The following LRRTM4 variants were observed in gnomAD, a reference collection of about 807,000 sequenced individuals.
LRRTM4 encodes leucine rich repeat transmembrane neuronal 4.
A neutral mutation model predicts 47.6 loss-of-function variants in LRRTM4; 25 were observed. The observed-to-expected ratio is 0.53, with a 90% CI of 0.38 to 0.73. LRRTM4 has a LOEUF of 0.73. Ranked by LOEUF, LRRTM4 falls within the 30% of genes least tolerant of loss-of-function variation. The pLI, the probability that LRRTM4 is intolerant of heterozygous loss-of-function variation, is 0.00. For synonymous variants in LRRTM4, 311 were observed against 269.5 expected, an observed-to-expected ratio of 1.15 and a Z score of -1.51; for missense variants, 638 against 713.4, an observed-to-expected ratio of 0.89 and a Z score of 1.20.
intron 3 of LRRTM4, among the ~76,000 whole-genome samples, chr2:77,331,219 C>A (rs769815325): frequency 1.1e-4 from 16 of 151,974 alleles, no homozygotes; most frequent in Admixed American, 5.2e-4. Flanking sequence ...TAGCATTATT[C>A]TTTCTTATGA....
At chr2:76,780,294 C>G (rs1411151007) in intron 3 of LRRTM4, among the ~76,000 whole-genome samples, 1 of 152,174 alleles carries the variant, frequency 6.6e-6, no homozygotes, top group Non-Finnish European at 1.5e-5. Context: ...TTTCCTGAAT[C>G]TGAACATTGG....
intron 3 of LRRTM4, among the ~76,000 whole-genome samples, chr2:77,276,501 A>T (rs1013403484): frequency 1.3e-5 from 2 of 148,604 alleles, no homozygotes; most frequent in Non-Finnish European, 3.0e-5. Flanking sequence ...AGTGTGATAT[A>T]TATAATATAT....
intron 3 of LRRTM4, among the ~76,000 whole-genome samples, chr2:77,056,178 CTT>C (rs574154396): frequency 8.4e-4 from 98 of 116,912 alleles, no homozygotes; most frequent in African/African-American, 3.6e-3. Context: ...TACCCTAAAA[CTT>C]AAAGTATAAT....
intron 3 of LRRTM4, among the ~76,000 whole-genome samples, chr2:77,176,119 CT>C (rs1673191538): frequency 6.6e-6 from 1 of 151,976 alleles, no homozygotes. Context: ...ATGCTTGAGG[CT>C]TTGTAAATTA....
At chr2:76,780,931 G>T (rs1479210283) in intron 3 of LRRTM4, among the ~76,000 whole-genome samples, 18 of 152,112 alleles carry the variant, frequency 1.2e-4, no homozygotes, top group Admixed American at 9.9e-4. Context: ...TGTACAGATG[G>T]GTTTGTGGTG....
At chr2:76,876,154 A>G (rs1429151922) in intron 3 of LRRTM4, among the ~76,000 whole-genome samples, 1 of 151,838 alleles carries the variant, frequency 6.6e-6, no homozygotes, top group Admixed American at 6.6e-5. Flanking sequence ...GATTTTAGAG[A>G]AAAAAAAGAA....
At chr2:76,804,335 T>G (rs1053400040) in intron 3 of LRRTM4, among the ~76,000 whole-genome samples, 1 of 152,156 alleles carries the variant, frequency 6.6e-6, no homozygotes, top group Admixed American at 6.6e-5. Flanking sequence ...GTCTACCTTT[T>G]GATTTGATAA....
chr2:76,989,327 T>C (rs1256732394), intron 3 of LRRTM4, among the ~76,000 whole-genome samples: 2 of 151,840 alleles, frequency 1.3e-5, no homozygotes, highest in African/African-American at 4.8e-5. Flanking sequence ...CATGCATTAG[T>C]GGTCTGTAAG....
At chr2:77,019,056 C>T (rs1180496812) in intron 3 of LRRTM4, among the ~76,000 whole-genome samples, 2 of 151,888 alleles carry the variant, frequency 1.3e-5, no homozygotes, top group African/African-American at 4.8e-5. Flanking sequence ...AAATCTCACA[C>T]ATTGGAAGGC....
intron 3 of LRRTM4, among the ~76,000 whole-genome samples, chr2:77,187,962 T>TA (rs1358331428): frequency 6.6e-6 from 1 of 152,176 alleles, no homozygotes; most frequent in African/African-American, 2.4e-5. Flanking sequence ...TTACTGTAGA[T>TA]ATTGTTCTAT....
chr2:77,001,071 T>C (rs1412433413), intron 3 of LRRTM4, among the ~76,000 whole-genome samples: 1 of 152,156 alleles, frequency 6.6e-6, no homozygotes, highest in Non-Finnish European at 1.5e-5. Flanking sequence ...GTGTTCAGTA[T>C]ATTTAAGCTA....
intron 3 of LRRTM4, among the ~76,000 whole-genome samples, chr2:76,953,154 GA>G (rs201943074): frequency 8.8e-6 from 1 of 113,606 alleles, no homozygotes; most frequent in African/African-American, 4.1e-5. Context: ...AATAAAATTT[GA>G]AAAAAAATAA....
At chr2:76,807,106 A>G (rs1676009051) in intron 3 of LRRTM4, among the ~76,000 whole-genome samples, 1 of 152,020 alleles carries the variant, frequency 6.6e-6, no homozygotes, top group Admixed American at 6.6e-5. Flanking sequence ...TAACTGCTAC[A>G]AACCTACCCC....
chr2:76,907,720 C>G (rs1256086478), intron 3 of LRRTM4, among the ~76,000 whole-genome samples: 2 of 118,392 alleles, frequency 1.7e-5, no homozygotes, highest in African/African-American at 3.9e-5. Flanking sequence ...AACACCTCTA[C>G]GCAAATAAAC....
At chr2:77,380,864 T>C (rs2103791276) in intron 3 of LRRTM4, among the ~76,000 whole-genome samples, 1 of 151,824 alleles carries the variant, frequency 6.6e-6, no homozygotes, top group Admixed American at 6.6e-5. Context: ...TCTAAAGTAA[T>C]GTTTCTAAGG....
At chr2:77,312,744 C>T (rs1370232873) in intron 3 of LRRTM4, among the ~76,000 whole-genome samples, 1 of 151,750 alleles carries the variant, frequency 6.6e-6, no homozygotes, top group Non-Finnish European at 1.5e-5. Flanking sequence ...ATAAGCCTGA[C>T]CTACACTGAG....
chr2:76,856,804 A>T (rs539472624), intron 3 of LRRTM4, among the ~76,000 whole-genome samples: 5 of 152,314 alleles, frequency 3.3e-5, no homozygotes, highest in African/African-American at 4.8e-5. Flanking sequence ...AAGCCTACTG[A>T]AACAAAGATA....
chr2:76,948,093 A>G (rs1675381261), intron 3 of LRRTM4, among the ~76,000 whole-genome samples: 1 of 151,876 alleles, frequency 6.6e-6, no homozygotes, highest in Admixed American at 6.6e-5. Context: ...GAGATTCCCA[A>G]ATAGTATCGT....
chr2:76,979,575 T>C (rs7605398), intron 3 of LRRTM4, among the ~76,000 whole-genome samples: 1 of 142,836 alleles, frequency 7.0e-6, no homozygotes, highest in Admixed American at 6.9e-5. Context: ...TATATATATA[T>C]AGAGAGAGGA....
Sources: allele counts gnomAD v4.1 joint callset (sites outside exome capture counted in the v4.1 genomes callset), GRCh38; gene constraint gnomAD v4.1.1; transcripts MANE v1.5; gene names NCBI Gene and HGNC (gene_info 2026-07-23, HGNC 2026-07-21).